MGMT: variants seen among roughly 807,000 people sequenced by gnomAD.
MGMT encodes the protein methylated-DNA--protein-cysteine methyltransferase.
A neutral mutation model predicts 15.9 loss-of-function variants in MGMT; 14 were observed. That is an observed-to-expected ratio of 0.88 (90% CI 0.58 to 1.37). MGMT has a LOEUF of 1.37. MGMT is among the 40% of genes most tolerant of loss of function. The probability of loss-of-function intolerance (pLI) is 0.00; values close to 1 mark genes in which losing one functional copy is unlikely to be tolerated. For missense variants in MGMT, 282 were observed against 268.1 expected (o/e 1.05, Z -0.36); for synonymous variants, 130 against 118.2 (o/e 1.10, Z -0.65).
At chr10:129,502,141 G>A (rs899397807) in intron 1 of MGMT, among the ~76,000 whole-genome samples, 2 of 152,220 alleles carry the variant, frequency 1.3e-5, no homozygotes, top group East Asian at 1.9e-4. Context: ...CTAGTACAGC[G>A]TGGAGTGTGT....
intron 2 of MGMT, among the ~76,000 whole-genome samples, chr10:129,573,528 T>C (rs1846443954): frequency 6.6e-6 from 1 of 152,200 alleles, no homozygotes; most frequent in Non-Finnish European, 1.5e-5. Context: ...TTGTTTTGCT[T>C]TTGTTAATCA....
intron 3 of MGMT, among the ~76,000 whole-genome samples, chr10:129,741,767 G>A (rs1255471718): frequency 3.9e-5 from 6 of 152,176 alleles, no homozygotes. Context: ...TGGGCCCTGA[G>A]TCGGTTGAGA....
intron 1 of MGMT, among the ~76,000 whole-genome samples, chr10:129,486,199 T>TA (rs1845407898): frequency 8.2e-6 from 1 of 121,872 alleles, no homozygotes; most frequent in African/African-American, 3.1e-5. Context: ...TTTTTTTTGG[T>TA]GGGGGGTAGA....
intron 2 of MGMT, among the ~76,000 whole-genome samples, chr10:129,695,618 A>C (rs1376891105): frequency 6.6e-6 from 1 of 152,226 alleles, no homozygotes; most frequent in Non-Finnish European, 1.5e-5. Flanking sequence ...TTAGTCTGTA[A>C]GCTGTGTGGA....
At chr10:129,521,976 G>A (rs1845815787) in intron 1 of MGMT, among the ~76,000 whole-genome samples, 1 of 152,258 alleles carries the variant, frequency 6.6e-6, no homozygotes, top group South Asian at 2.1e-4. Context: ...GGGCCGATGG[G>A]AGATGGACTG....
chr10:129,546,260 G>A (rs1336028499), intron 2 of MGMT, among the ~76,000 whole-genome samples: 1 of 152,226 alleles, frequency 6.6e-6, no homozygotes, highest in Non-Finnish European at 1.5e-5. Flanking sequence ...CGGGGAAGTG[G>A]GCTGTTCCAC....
At chr10:129,575,717 A>T (rs1367588496) in intron 2 of MGMT, among the ~76,000 whole-genome samples, 1 of 151,892 alleles carries the variant, frequency 6.6e-6, no homozygotes, top group African/African-American at 2.4e-5. Flanking sequence ...AGACACAAAA[A>T]ACCCTTCAAA....
chr10:129,505,419 A>G (rs557713219), intron 1 of MGMT, among the ~76,000 whole-genome samples: 2 of 152,366 alleles, frequency 1.3e-5, no homozygotes, highest in East Asian at 3.9e-4. Flanking sequence ...ATTTAATATT[A>G]TGTGATAAAT....
intron 2 of MGMT, among the ~76,000 whole-genome samples, chr10:129,652,319 C>T (rs1483974682): frequency 6.6e-6 from 1 of 152,178 alleles, no homozygotes; most frequent in Non-Finnish European, 1.5e-5. Context: ...GCTGGAGTTC[C>T]AGTAGAGTGG....
chr10:129,731,445 ATCTGCCTCCTGGGTTCAAGAGATTCT>A, intron 3 of MGMT, among the ~76,000 whole-genome samples: 1 of 143,208 alleles, frequency 7.0e-6, no homozygotes, highest in East Asian at 2.1e-4. Flanking sequence ...TTACTGCAAC[ATCTGCCTCCTGGGTTCAAGAGATTCT>A]TCTGCCTCAG....
intron 4 of MGMT, among the ~76,000 whole-genome samples, chr10:129,759,936 C>T (rs1049176437): frequency 6.6e-6 from 1 of 152,208 alleles, no homozygotes; most frequent in Non-Finnish European, 1.5e-5. Flanking sequence ...CACCTCGTGT[C>T]TCACCAGGGA....
intron 2 of MGMT, among the ~76,000 whole-genome samples, chr10:129,671,212 T>A (rs1395936079): frequency 6.6e-6 from 1 of 152,226 alleles, no homozygotes; most frequent in Non-Finnish European, 1.5e-5. Flanking sequence ...ACTGATTCCT[T>A]CCAATTATTG....
intron 2 of MGMT, among the ~76,000 whole-genome samples, chr10:129,626,327 T>TAA (rs1300201477): frequency 6.6e-6 from 1 of 152,200 alleles, no homozygotes; most frequent in Non-Finnish European, 1.5e-5. Flanking sequence ...GGGGATTAAT[T>TAA]TATTCGTGTC....
At position 129,518,329 on chromosome 10, in the gene MGMT, CACACACAT is replaced by C. The variant is rs1351313924; in HGVS notation, c.-12-17904_-12-17897del. ...ATTCTAAATGATGTGTGTACAGATA[CACACACAT>C]ACACACACACACACACACACACACA... is the stretch of plus-strand genomic sequence containing the variant. On this transcript the variant is annotated intron_variant, in intron 1 of 4. Coordinates refer to ENST00000651593, the MANE Select transcript of MGMT (RefSeq NM_002412.5). Among the ~76,000 whole-genome samples the C allele has an allele frequency of 8.1e-4, 70 of 86,294 alleles. 3 individuals carry two copies. Among genetic ancestry groups the C allele is most frequent in the African/African-American group, 3.0e-3 (69 of 23,122 alleles). 56.6% of individuals were successfully genotyped at this position (86,294 alleles called of 152,430 possible). A position where few individuals can be genotyped will look rare whatever the true frequency, so the allele number is the denominator to read the frequency against.
chr10:129,531,075 T>TCTTCCGTGGGCCAGTCCCCTTCCC (rs1443306465), intron 1 of MGMT, among the ~76,000 whole-genome samples: 43 of 152,210 alleles, frequency 2.8e-4, no homozygotes, highest in African/African-American at 1.0e-3. Flanking sequence ...TGAATCTTCA[T>TCTTCCGTGGGCCAGTCCCCTTCCC]CTTCCGTGGG....
At chr10:129,485,353 CCCT>C (rs969909435) in intron 1 of MGMT, among the ~76,000 whole-genome samples, 1 of 152,176 alleles carries the variant, frequency 6.6e-6, no homozygotes, top group Non-Finnish European at 1.5e-5. Flanking sequence ...TGCCAGATGA[CCCT>C]CCTCCTCCTT....
chr10:129,721,666 TCTTA>T (rs1361996363), intron 3 of MGMT, among the ~76,000 whole-genome samples: 2 of 152,212 alleles, frequency 1.3e-5, no homozygotes, highest in Admixed American at 6.5e-5. Flanking sequence ...GTTCTAAGTT[TCTTA>T]CTTTATGAAC....
intron 2 of MGMT, among the ~76,000 whole-genome samples, chr10:129,605,512 C>A (rs756868995): frequency 1.3e-5 from 2 of 152,044 alleles, no homozygotes; most frequent in Non-Finnish European, 2.9e-5. Flanking sequence ...ACAGAATAAA[C>A]AGACAATGCA....
chr10:129,599,681 A>C (rs1186666988), intron 2 of MGMT, among the ~76,000 whole-genome samples: 1 of 152,176 alleles, frequency 6.6e-6, no homozygotes. Flanking sequence ...ATGCTTTCAC[A>C]CACGATTCAC....
Sources: allele counts gnomAD v4.1 joint callset (sites outside exome capture counted in the v4.1 genomes callset), GRCh38; gene constraint gnomAD v4.1.1; transcripts MANE v1.5; gene names NCBI Gene and HGNC (gene_info 2026-07-23, HGNC 2026-07-21).